Variants in ZFHX3 observed in about 807,000 individuals in gnomAD.
ZFHX3 encodes zinc finger homeobox protein 3.
ZFHX3 carries 42 observed loss-of-function variants against 279.1 expected under a neutral mutation model. The observed-to-expected ratio is 0.15, with a 90% confidence interval of 0.12 to 0.19. The LOEUF (loss-of-function observed/expected upper bound fraction) is 0.19, where lower values mean the gene tolerates loss of function less well. Ranked by LOEUF, ZFHX3 falls within the 10% of genes least tolerant of loss-of-function variation. ZFHX3 has a pLI of 1.00. For missense variants in ZFHX3, 4,981 were observed against 4,754.0 expected (o/e 1.05, Z -1.40); for synonymous variants, 2,293 against 1,957.8 (o/e 1.17, Z -4.52).
In ZFHX3 at chr16:72,950,337, C is replaced by T; in HGVS notation, c.3216+132G>A. ...ACACCGCCGACTCTCCTCTCAACTCCAGGTTCCCAACCAACAGCCAAGCAG... is the reference window on the plus strand; with the variant it reads ...ACACCGCCGACTCTCCTCTCAACTCTAGGTTCCCAACCAACAGCCAAGCAG... On this transcript the variant is annotated intron_variant, in intron 3 of 9. Transcript: ENST00000268489. 8 of 1,407,492 alleles carry T rather than the reference C, an allele frequency of 5.7e-6. No homozygotes were observed. The South Asian group carries it at 1.1e-4, about 20-fold the overall frequency. 87.2% of individuals were successfully genotyped at this position (1,407,492 alleles called of 1,614,324 possible).
intron 1 of ZFHX3, among the ~76,000 whole-genome samples, chr16:73,682,882 GAAAGAAAGAAAGAAAGAAAGAA>G (rs2053028523): frequency 2.2e-5 from 1 of 44,682 alleles, no homozygotes; most frequent in South Asian, 7.9e-4. Context: ...AAGAAAGAAA[GAAAGAAAGAAAGAAAGAAAGAA>G]AGAGAAAGAA....
intron 1 of ZFHX3, among the ~76,000 whole-genome samples, chr16:73,682,511 TGCGGTG>T (rs567057045): frequency 2.0e-4 from 31 of 151,948 alleles, no homozygotes; most frequent in African/African-American, 4.3e-4. Context: ...GTAGGCCGGG[TGCGGTG>T]GCTCACGCCT....
At chr16:73,633,551 G>A (rs2052497480) in intron 2 of ZFHX3, among the ~76,000 whole-genome samples, 1 of 152,206 alleles carries the variant, frequency 6.6e-6, no homozygotes, top group African/African-American at 2.4e-5. Context: ...TTTGCTGGGT[G>A]GTGGGTATAT....
intron 2 of ZFHX3, among the ~76,000 whole-genome samples, chr16:73,501,035 G>T (rs2019230956): frequency 6.6e-6 from 1 of 152,206 alleles, no homozygotes; most frequent in Non-Finnish European, 1.5e-5. Flanking sequence ...GTCCTACACA[G>T]GGGTACCACT....
At chr16:73,611,790 C>T (rs1203391346) in intron 2 of ZFHX3, among the ~76,000 whole-genome samples, 1 of 152,244 alleles carries the variant, frequency 6.6e-6, no homozygotes, top group South Asian at 2.1e-4. Context: ...GTTGTTTCTG[C>T]ACCCTCCACC....
At chr16:72,883,267 T>C (rs1331558832) in intron 4 of ZFHX3, among the ~76,000 whole-genome samples, 1 of 152,110 alleles carries the variant, frequency 6.6e-6, no homozygotes, top group Non-Finnish European at 1.5e-5. Flanking sequence ...CTATCCTCTC[T>C]ATGTAAATGC....
intron 3 of ZFHX3, among the ~76,000 whole-genome samples, chr16:73,319,575 G>A (rs1181978262): frequency 6.6e-6 from 1 of 151,828 alleles, no homozygotes; most frequent in Non-Finnish European, 1.5e-5. Context: ...GGTTGGTTAA[G>A]TCCAAATGCC....
chr16:73,779,001 AT>A (rs1567407784), intron 1 of ZFHX3, among the ~76,000 whole-genome samples: 1 of 152,198 alleles, frequency 6.6e-6, no homozygotes, highest in Non-Finnish European at 1.5e-5. Context: ...AACACCTAGG[AT>A]TCATCTGCTC....
At chr16:73,442,063 T>C (rs2018104197) in intron 3 of ZFHX3, among the ~76,000 whole-genome samples, 1 of 152,142 alleles carries the variant, frequency 6.6e-6, no homozygotes, top group Admixed American at 6.5e-5. Flanking sequence ...AGGCAGGCAA[T>C]GATGGCTCTC....
At chr16:73,170,880 G>C (rs1967505204) in intron 5 of ZFHX3, among the ~76,000 whole-genome samples, 1 of 152,128 alleles carries the variant, frequency 6.6e-6, no homozygotes, top group Admixed American at 6.5e-5. Context: ...TGCCCCAGCT[G>C]TCCCCAGGCT....
At chr16:73,667,775 G>A (rs942154742) in intron 2 of ZFHX3, among the ~76,000 whole-genome samples, 6 of 152,206 alleles carry the variant, frequency 3.9e-5, no homozygotes, top group Admixed American at 2.0e-4. Flanking sequence ...GGAACTTACT[G>A]GAGAAGCCAC....
chr16:73,470,074 C>T (rs555115167), intron 2 of ZFHX3, among the ~76,000 whole-genome samples: 8 of 152,208 alleles, frequency 5.3e-5, no homozygotes, highest in Non-Finnish European at 8.8e-5. Context: ...GGGAGGGCAC[C>T]GAAATGCAGA....
chr16:73,223,381 C>T (rs1455806131), intron 5 of ZFHX3, among the ~76,000 whole-genome samples: 1 of 152,068 alleles, frequency 6.6e-6, no homozygotes, highest in Non-Finnish European at 1.5e-5. Flanking sequence ...CAATAGGAAA[C>T]AACAGTCTAA....
intron 2 of ZFHX3, among the ~76,000 whole-genome samples, chr16:73,489,033 T>C (rs996550877): frequency 6.6e-6 from 1 of 152,244 alleles, no homozygotes; most frequent in Admixed American, 6.5e-5. Context: ...TTAAAGTTGC[T>C]ATGATTATTT....
At chr16:73,376,795 A>C (rs1290461718) in intron 3 of ZFHX3, among the ~76,000 whole-genome samples, 1 of 152,144 alleles carries the variant, frequency 6.6e-6, no homozygotes, top group Non-Finnish European at 1.5e-5. Flanking sequence ...CTGCTGAGTA[A>C]CTGATTTCTC....
At chr16:73,803,317 T>C (rs1304640609) in intron 1 of ZFHX3, among the ~76,000 whole-genome samples, 2 of 152,178 alleles carry the variant, frequency 1.3e-5, no homozygotes, top group African/African-American at 2.4e-5. Flanking sequence ...TTGAGGTATG[T>C]TCAGTGTTGA....
Position 73,835,428 on chromosome 16 carries a change from C to T in ZFHX3, c.-1608+56223G>A, listed in dbSNP as rs2966027. Among the ~76,000 whole-genome samples the T allele has an allele frequency of 6.1e-5, 9 of 147,286 alleles. No individual in the cohort carries two copies. In the South Asian group the frequency reaches 1.1e-3, roughly 18 times the overall value. ...CCTTTCCCCACCATCCCTCTTCTTT[C>T]GCCAACTTTCCTCCACCATCCCTCT... On this transcript the variant is annotated intron_variant, in intron 1 of 17. Coordinates refer to the ZFHX3 transcript ENST00000641206.
chr16:73,882,484 A>G (rs1040910189), intron 1 of ZFHX3, among the ~76,000 whole-genome samples: 2 of 152,066 alleles, frequency 1.3e-5, no homozygotes, highest in Non-Finnish European at 2.9e-5. Flanking sequence ...ATCTCTAAAA[A>G]GCTCTTTAAC....
At chr16:73,195,187 T>C (rs1267527097) in intron 5 of ZFHX3, among the ~76,000 whole-genome samples, 1 of 152,158 alleles carries the variant, frequency 6.6e-6, no homozygotes. Context: ...CACATGGAAA[T>C]TTCTTAAATC....
Sources: gnomAD v4.1 joint callset for allele counts (sites outside exome capture counted in the v4.1 genomes callset) on GRCh38, gnomAD v4.1.1 for gene constraint, MANE v1.5 for transcripts, NCBI Gene and HGNC (gene_info 2026-07-23, HGNC 2026-07-21) for gene names.